The following KCNH5 variants were observed in gnomAD, a reference collection of about 807,000 sequenced individuals.
KCNH5 encodes potassium voltage-gated channel subfamily H member 5, also known as voltage-gated delayed rectifier potassium channel KCNH5.
A neutral mutation model predicts 96.1 loss-of-function variants in KCNH5; 46 were observed. The ratio of observed to expected loss-of-function variants is 0.48; its 90% CI spans 0.38 to 0.61. The LOEUF is 0.61. KCNH5 is among the 20% of genes least tolerant of loss of function. KCNH5 has a pLI of 0.00. For synonymous variants in KCNH5, 439 were observed against 449.8 expected, an observed-to-expected ratio of 0.98 and a Z score of 0.30; for missense variants, 907 against 1,225.8, an observed-to-expected ratio of 0.74 and a Z score of 3.88.
chr14:62,874,259 G>A (rs1888323006), intron 7 of KCNH5, among the ~76,000 whole-genome samples: 1 of 151,734 alleles, frequency 6.6e-6, no homozygotes, highest in African/African-American at 2.4e-5. Flanking sequence ...ATATTGACAA[G>A]AACTTAAACA....
intron 9 of KCNH5, among the ~76,000 whole-genome samples, chr14:62,794,103 C>A (rs1200476073): frequency 6.6e-6 from 1 of 151,874 alleles, no homozygotes; most frequent in Non-Finnish European, 1.5e-5. Context: ...TCATGGTAAA[C>A]CAGTCACTTG....
intron 8 of KCNH5, among the ~76,000 whole-genome samples, chr14:62,846,844 A>G (rs1887705461): frequency 8.8e-6 from 1 of 113,974 alleles, no homozygotes; most frequent in Non-Finnish European, 1.6e-5. Context: ...TCTGCGGCCC[A>G]GGCTGGAGTG....
At chr14:63,032,563 CT>C (rs1411970449) in intron 1 of KCNH5, among the ~76,000 whole-genome samples, 7 of 152,296 alleles carry the variant, frequency 4.6e-5, no homozygotes, top group African/African-American at 1.7e-4. Context: ...TTCAACAATG[CT>C]TATTGTCAAA....
At chr14:62,880,103 G>A (rs1888462496) in intron 7 of KCNH5, among the ~76,000 whole-genome samples, 1 of 152,108 alleles carries the variant, frequency 6.6e-6, no homozygotes, top group African/African-American at 2.4e-5. Context: ...GACTATATGT[G>A]GGAGACACTA....
intron 9 of KCNH5, among the ~76,000 whole-genome samples, chr14:62,795,288 T>C (rs1251576619): frequency 6.6e-6 from 1 of 152,156 alleles, no homozygotes; most frequent in African/African-American, 2.4e-5. Context: ...AAACAGTTTG[T>C]TGGCAAAATA....
chr14:62,998,201 T>G (rs150084039), intron 4 of KCNH5, among the ~76,000 whole-genome samples: 2 of 152,160 alleles, frequency 1.3e-5, no homozygotes, highest in African/African-American at 4.8e-5. Flanking sequence ...TTCTGTAAGT[T>G]TTGGTAGTTT....
At chr14:62,788,572 A>C (rs889697327) in intron 9 of KCNH5, among the ~76,000 whole-genome samples, 3 of 152,186 alleles carry the variant, frequency 2.0e-5, no homozygotes. Flanking sequence ...AGTCAGCATC[A>C]CATGCTATAG....
chr14:62,961,134 C>A (rs1415949715), intron 6 of KCNH5, among the ~76,000 whole-genome samples: 1 of 151,984 alleles, frequency 6.6e-6, no homozygotes, highest in Non-Finnish European at 1.5e-5. Flanking sequence ...ACAAGCAAAC[C>A]AAATTGGGGA....
intron 10 of KCNH5, among the ~76,000 whole-genome samples, chr14:62,729,878 G>T (rs917045120): frequency 1.3e-5 from 2 of 152,194 alleles, no homozygotes; most frequent in Non-Finnish European, 2.9e-5. Context: ...GGACAAAGAA[G>T]TCAGCAGAAG....
chr14:62,779,249 T>C (rs12435655), intron 10 of KCNH5, among the ~76,000 whole-genome samples: 96,133 of 152,052 alleles, frequency 0.63, 30,703 homozygotes, highest in South Asian at 0.83. Flanking sequence ...TGTGTCAATG[T>C]GGCTAATTAA....
At position 62,700,382 on chromosome 14, in the gene KCNH5, C is replaced by T. The variant is rs1049344388; in HGVS notation, c.*7126G>A. On this transcript the variant is annotated 3_prime_UTR_variant, in exon 11 of 11. Coordinates refer to ENST00000322893, the MANE Select transcript of KCNH5 (RefSeq NM_139318.5). ...TCCCCCTTGCTTTATTAACTGTGAACAGGTTCTAAGGTGGAAGGCGACTGC... is the reference window on the plus strand; with the variant it reads ...TCCCCCTTGCTTTATTAACTGTGAATAGGTTCTAAGGTGGAAGGCGACTGC... 2.0e-5 allele frequency: 3 copies of T among 152,068 alleles called. No homozygotes were observed. Among genetic ancestry groups the T allele is most frequent in the Non-Finnish European group, 4.4e-5 (3 of 68,016 alleles). 9.4% of individuals were successfully genotyped at this position (152,068 alleles called of 1,614,324 possible). A position where few individuals can be genotyped will look rare whatever the true frequency, so the allele number is the denominator to read the frequency against.
At chr14:62,783,021 G>A (rs1434153061) in intron 9 of KCNH5, among the ~76,000 whole-genome samples, 1 of 152,018 alleles carries the variant, frequency 6.6e-6, no homozygotes, top group African/African-American at 2.4e-5. Flanking sequence ...ATTTATAATT[G>A]CCAAAAATTA....
At chr14:63,008,762 C>T (rs1254065668) in intron 2 of KCNH5, among the ~76,000 whole-genome samples, 1 of 152,054 alleles carries the variant, frequency 6.6e-6, no homozygotes, top group African/African-American at 2.4e-5. Flanking sequence ...GCCACTGTTA[C>T]TGTCAAAGCT....
At chr14:62,714,109 CCTATCT>C (rs1386346231) in intron 10 of KCNH5, among the ~76,000 whole-genome samples, 2 of 138,638 alleles carry the variant, frequency 1.4e-5, no homozygotes, top group Non-Finnish European at 3.1e-5. Context: ...ACAGGGAGAC[CCTATCT>C]CTACAATAAA....
At chr14:62,976,213 A>G (rs1460210762) in intron 6 of KCNH5, among the ~76,000 whole-genome samples, 1 of 151,976 alleles carries the variant, frequency 6.6e-6, no homozygotes, top group East Asian at 1.9e-4. Context: ...ATCCTGGCTA[A>G]CATGGTGAAA....
intron 10 of KCNH5, among the ~76,000 whole-genome samples, chr14:62,775,351 C>A (rs962324770): frequency 2.0e-5 from 3 of 152,118 alleles, no homozygotes; most frequent in Non-Finnish European, 2.9e-5. Context: ...CAATAGCAAG[C>A]AAACTTATTT....
intron 7 of KCNH5, among the ~76,000 whole-genome samples, chr14:62,904,112 A>C (rs1307911259): frequency 6.6e-6 from 1 of 152,192 alleles, no homozygotes; most frequent in Non-Finnish European, 1.5e-5. Context: ...AATGCAAGCC[A>C]CTCAAAAACT....
chr14:62,895,456 G>T (rs1450114960), intron 7 of KCNH5, among the ~76,000 whole-genome samples: 1 of 151,746 alleles, frequency 6.6e-6, no homozygotes, highest in East Asian at 1.9e-4. Flanking sequence ...TCAGCCTCCC[G>T]AGTAGCTGGG....
intron 7 of KCNH5, among the ~76,000 whole-genome samples, chr14:62,909,929 G>A (rs185553471): frequency 4.6e-5 from 7 of 152,036 alleles, no homozygotes; most frequent in Admixed American, 2.6e-4. Context: ...TTTATTATAT[G>A]TATTGGTTTT....
Sources: gnomAD v4.1 joint callset for allele counts (sites outside exome capture counted in the v4.1 genomes callset) on GRCh38, gnomAD v4.1.1 for gene constraint, MANE v1.5 for transcripts, NCBI Gene and HGNC (gene_info 2026-07-23, HGNC 2026-07-21) for gene names.